Variants in KAT6A observed in about 807,000 individuals in gnomAD.
KAT6A encodes the protein histone acetyltransferase KAT6A.
A neutral mutation model predicts 198.4 loss-of-function variants in KAT6A; 9 were observed. The ratio of observed to expected loss-of-function variants is 0.05; its 90% CI spans 0.03 to 0.08. The LOEUF is 0.08. KAT6A is among the 10% of genes least tolerant of loss of function. KAT6A has a pLI of 1.00. For synonymous variants in KAT6A, 890 were observed against 883.0 expected (o/e 1.01, Z -0.14); for missense variants, 2,077 against 2,509.9 (o/e 0.83, Z 3.69).
Position 41,937,496 on chromosome 8 carries a change from T to C in KAT6A, c.3112A>G (p.Ile1038Val). The C allele has an allele frequency of 1.2e-6, 2 of 1,613,822 alleles. No homozygotes were observed. Among genetic ancestry groups the C allele is most frequent in the Non-Finnish European group, 1.7e-6 (2 of 1,179,718 alleles). The change falls in exon 16 of 17, where the codon ATT (isoleucine) becomes GTT (valine). Residue 1038 changes from isoleucine to valine, a missense_variant. Physicochemically the swap from Ile to Val is conservative, Grantham distance 29. Around this residue, in one of 13 missense-constraint regions of KAT6A, gnomAD observed 19 missense variants for 40.5 expected, o/e 0.47. Coordinates refer to ENST00000265713, the MANE Select transcript of KAT6A (RefSeq NM_006766.5). ...HHNSSVVTET[I>V]SETTEVLDEP... Reference sequence around the variant, plus strand: ...TCTAACACTTCAGTGGTCTCAGAAATAGTTTCTGTGACTACACTGCTATTG... The same window carrying C: ...TCTAACACTTCAGTGGTCTCAGAAACAGTTTCTGTGACTACACTGCTATTG...
intron 2 of KAT6A, among the ~76,000 whole-genome samples, chr8:42,009,909 A>AC (rs1297099836): frequency 2.2e-5 from 3 of 138,478 alleles, no homozygotes; most frequent in Non-Finnish European, 4.7e-5. Flanking sequence ...AAAAAAAAAA[A>AC]AAAAACAAAA....
intron 8 of KAT6A, among the ~76,000 whole-genome samples, chr8:41,970,154 T>C (rs150126037): frequency 1.3e-5 from 2 of 152,338 alleles, no homozygotes; most frequent in East Asian, 3.9e-4. Flanking sequence ...TGTGTCTTTT[T>C]GTTTGCCCTA....
At chr8:42,012,209 T>C (rs1826054664) in intron 2 of KAT6A, among the ~76,000 whole-genome samples, 1 of 152,166 alleles carries the variant, frequency 6.6e-6, no homozygotes, top group Admixed American at 6.5e-5. Flanking sequence ...TTATAAAAGT[T>C]AAACATACCA....
At chr8:41,955,471 G>GA (rs960353666) in intron 8 of KAT6A, 60 bp from the exon 9 acceptor site, 53 of 1,046,042 alleles carry the variant, frequency 5.1e-5, no homozygotes, top group Non-Finnish European at 7.3e-5. Context: ...AGATAACAAA[G>GA]AAAGTTCTGA....
At chr8:41,940,763 C>A in intron 15 of KAT6A, 79 bp downstream of exon 15, 1 of 1,506,404 alleles carries the variant, frequency 6.6e-7, no homozygotes, top group Admixed American at 2.0e-5. Flanking sequence ...TATACTCTTT[C>A]AGAACTGTAA....
chr8:41,983,092 G>GTCT (rs1244949408), intron 3 of KAT6A, among the ~76,000 whole-genome samples: 1 of 152,090 alleles, frequency 6.6e-6, no homozygotes, highest in Non-Finnish European at 1.5e-5. Context: ...TGAATAGCAA[G>GTCT]AGAAAAAAAT....
rs772389785 is a variant in KAT6A, at chr8:41,933,687, C to A, written c.4533G>T (p.Gln1511His). Reference sequence around the variant, plus strand: ...ACAGGGATCCTTGTTCTGGGCTGATCTGGGTGTAGCCACTCTCAAGGGCAG... The same window carrying A: ...ACAGGGATCCTTGTTCTGGGCTGATATGGGTGTAGCCACTCTCAAGGGCAG... ...NVPALESGYT[Q>H]ISPEQGSLSA... The change falls in exon 17 of 17, where the codon CAG becomes CAT. Residue 1511 changes from glutamine (Q) to histidine (H), a missense_variant. Gln to His is a conservative substitution (Grantham distance 24, BLOSUM62 0). This residue lies in a region of KAT6A where 178 missense variants were observed against 220.8 expected (regional missense o/e 0.81). Coordinates refer to ENST00000265713, the MANE Select transcript of KAT6A (RefSeq NM_006766.5). This position sits in a 1 kb window ranked among gnomAD's most constrained non-coding sequence, Gnocchi z 6.2. 1 of 1,613,952 alleles carries A rather than the reference C, an allele frequency of 6.2e-7. No homozygotes were observed.
intron 2 of KAT6A, among the ~76,000 whole-genome samples, chr8:41,991,610 T>C (rs534963097): frequency 9.7e-4 from 147 of 152,302 alleles, no homozygotes; most frequent in African/African-American, 3.3e-3. Flanking sequence ...TATATTTTAA[T>C]TAGAGTTAAA....
intron 2 of KAT6A, among the ~76,000 whole-genome samples, chr8:42,013,482 C>T (rs1043300683): frequency 2.0e-5 from 3 of 152,164 alleles, no homozygotes; most frequent in African/African-American, 7.2e-5. Context: ...ATCCACCCGC[C>T]TTGGCCTCCC....
rs746124347 is a variant in KAT6A at position 42,027,580 on chromosome 8, T to C, written c.600+20798A>G. On this transcript the variant is annotated intron_variant, in intron 2 of 16. Coordinates refer to ENST00000265713, the MANE Select transcript of KAT6A (RefSeq NM_006766.5). Reference sequence around the variant, plus strand: ...CCTCTGGTTTTCCAATTTGTTAGCATACAGTTGTTCATAATAGTTGCTGAC... The same window carrying C: ...CCTCTGGTTTTCCAATTTGTTAGCACACAGTTGTTCATAATAGTTGCTGAC... Among the ~76,000 whole-genome samples the C allele has an allele frequency of 1.0e-3, 152 of 152,308 alleles. 3 individuals carry two copies. The highest frequency in any genetic ancestry group is 1.3e-3 in the Non-Finnish European group (91 of 68,006).
chr8:42,028,030 T>C (rs1284957841), intron 2 of KAT6A, among the ~76,000 whole-genome samples: 2 of 152,212 alleles, frequency 1.3e-5, no homozygotes, highest in African/African-American at 4.8e-5. Context: ...GAGCATGCTG[T>C]TTAATTTCCT....
intron 9 of KAT6A, among the ~76,000 whole-genome samples, chr8:41,951,919 C>G (rs567584657): frequency 2.6e-5 from 4 of 152,166 alleles, no homozygotes; most frequent in African/African-American, 9.6e-5. Flanking sequence ...CAGCGTAGGC[C>G]CAGTGATTAA....
chr8:42,014,393 T>C (rs1484236898), intron 2 of KAT6A, among the ~76,000 whole-genome samples: 1 of 152,202 alleles, frequency 6.6e-6, no homozygotes, highest in Non-Finnish European at 1.5e-5. Flanking sequence ...TCTATACCCA[T>C]ACTATATATA....
At chr8:41,944,078 C>A in intron 12 of KAT6A, 99 bp from the exon 13 acceptor site, 1 of 737,828 alleles carries the variant, frequency 1.4e-6, no homozygotes, top group Non-Finnish European at 2.2e-6. Flanking sequence ...CCAAGAATAA[C>A]TCCAAAGGTA....
In KAT6A at chr8:41,933,806, C is replaced by T; in HGVS notation, c.4414G>A (p.Glu1472Lys). ...ADEDPQMSMV[E>K]DCHASEHNSP... ...TTATGTTCTGACGCATGACAGTCTT[C>T]AACCATGGACATCTGAGGGTCCTCG... is the stretch of plus-strand genomic sequence containing the variant. The change falls in exon 17 of 17, where the codon GAA becomes AAA. Residue 1472 changes from glutamate (E) to lysine (K), a missense_variant. Coordinates refer to ENST00000265713, the MANE Select transcript of KAT6A (RefSeq NM_006766.5). The surrounding 1 kb of genome is among the most constrained non-coding windows in gnomAD (Gnocchi z 6.2). 6.2e-7 allele frequency: 1 copy of T among 1,614,122 alleles called. No homozygotes were observed. Among genetic ancestry groups the T allele is most frequent in the Non-Finnish European group, 8.5e-7 (1 of 1,180,022 alleles).
intron 2 of KAT6A, among the ~76,000 whole-genome samples, chr8:42,041,445 G>A (rs1827662256): frequency 6.6e-6 from 1 of 152,078 alleles, no homozygotes; most frequent in Non-Finnish European, 1.5e-5. Flanking sequence ...TGTCAGAAAT[G>A]TACGGCATGG....
chr8:41,986,718 C>T (rs997639197), intron 3 of KAT6A, among the ~76,000 whole-genome samples: 4 of 152,162 alleles, frequency 2.6e-5, no homozygotes, highest in Admixed American at 1.3e-4. Context: ...CAGTCATGCA[C>T]CACACAATGA....
chr8:41,977,414 A>T lies in KAT6A; in HGVS notation c.1044-87T>A, dbSNP rs1433686977. On this transcript the variant is annotated intron_variant, in intron 6 of 16. Transcript: ENST00000265713. ...AATACATAACATATAATTAGTAAGTAACCTACAGCTTTATTAAAATCTATA... is the reference window on the plus strand; with the variant it reads ...AATACATAACATATAATTAGTAAGTTACCTACAGCTTTATTAAAATCTATA... The T allele has an allele frequency of 3.8e-6, 3 of 780,992 alleles. No homozygotes were observed. The African/African-American group carries it at 5.2e-5, about 14-fold the overall frequency. The allele number at this position is 780,992 out of a possible 1,614,324, so 48.4% of individuals were successfully genotyped here. A position where few individuals can be genotyped will look rare whatever the true frequency, so the allele number is the denominator to read the frequency against.
rs765630759 is a variant in KAT6A at position 41,974,711 on chromosome 8, G to A, written c.1475C>T (p.Ala492Val). 6.9e-6 allele frequency: 11 copies of A among 1,597,064 alleles called. No homozygotes were observed. Among genetic ancestry groups the A allele is most frequent in the African/African-American group, 1.3e-5 (1 of 74,414 alleles). Residue 492 changes from alanine (A) to valine (V), a missense_variant, in exon 8 of 17, where the codon GCA becomes GTA. Physicochemically the swap from Ala to Val is moderately conservative, Grantham distance 64. This residue lies in a region of KAT6A where 206 missense variants were observed against 214.9 expected (regional missense o/e 0.96). Coordinates refer to ENST00000265713, the MANE Select transcript of KAT6A (RefSeq NM_006766.5). ...MELFRDIQEQ[A>V]LQKVGVTGPP... ...CTGAATATCCAACTTTACCTGCAGT[G>A]CTTGTTCTTGGATATCACGAAATAA... is the stretch of plus-strand genomic sequence containing the variant.
Sources: allele counts gnomAD v4.1 joint callset (sites outside exome capture counted in the v4.1 genomes callset), GRCh38; gene constraint gnomAD v4.1.1; regional missense constraint gnomAD v4.1.1; non-coding constraint Gnocchi (gnomAD v3.1); transcripts MANE v1.5; gene names NCBI Gene and HGNC (gene_info 2026-07-23, HGNC 2026-07-21).